TPST1: variants seen among roughly 807,000 people sequenced by gnomAD.
TPST1 encodes protein-tyrosine sulfotransferase 1.
In TPST1, 20 loss-of-function variants were observed where a neutral mutation model predicts 34.8. The ratio of observed to expected loss-of-function variants is 0.57; its 90% CI spans 0.40 to 0.84. TPST1 has a LOEUF of 0.84. Ranked by LOEUF, TPST1 falls within the 40% of genes least tolerant of loss-of-function variation. The pLI is 0.00. For missense variants in TPST1, 353 were observed against 455.5 expected, an observed-to-expected ratio of 0.78 and a Z score of 2.05; for synonymous variants, 152 against 159.4, an observed-to-expected ratio of 0.95 and a Z score of 0.35.
chr7:66,221,107 TGGGCAACAGAG>T (rs2116286822), intron 1 of TPST1, among the ~76,000 whole-genome samples: 1 of 150,766 alleles, frequency 6.6e-6, no homozygotes, highest in East Asian at 2.0e-4. Context: ...CACTCCAGCC[TGGGCAACAGAG>T]TGAGACTCCG....
intron 2 of TPST1, among the ~76,000 whole-genome samples, chr7:66,285,098 A>G (rs935444055): frequency 1.3e-5 from 2 of 152,174 alleles, no homozygotes; most frequent in African/African-American, 2.4e-5. Flanking sequence ...ATGACATACA[A>G]GACTCTATGT....
At chr7:66,213,355 T>A (rs1413337290) in intron 1 of TPST1, among the ~76,000 whole-genome samples, 2 of 152,220 alleles carry the variant, frequency 1.3e-5, no homozygotes. Flanking sequence ...GAGTTATTAT[T>A]TTGGTTGTTT....
chr7:66,219,911 A>G (rs938751609), intron 1 of TPST1, among the ~76,000 whole-genome samples: 8 of 152,164 alleles, frequency 5.3e-5, no homozygotes, highest in African/African-American at 1.9e-4. Context: ...CCTTTACCTT[A>G]TTTTTCGTTG....
chr7:66,230,597 G>T (rs560087798), intron 1 of TPST1, among the ~76,000 whole-genome samples: 4 of 152,108 alleles, frequency 2.6e-5, no homozygotes, highest in Admixed American at 2.0e-4. Context: ...TTGTGGTCTC[G>T]CTGGCTTCAG....
intron 1 of TPST1, among the ~76,000 whole-genome samples, chr7:66,233,631 A>G (rs1789844434): frequency 6.6e-6 from 1 of 152,182 alleles, no homozygotes; most frequent in African/African-American, 2.4e-5. Flanking sequence ...GGGTCCTCCA[A>G]CTTTGTTCTT....
At chr7:66,204,462 AGCTTTG>A (rs1355964471), upstream of TPST1, among the ~76,000 whole-genome samples, 6 of 152,188 alleles carry the variant, frequency 3.9e-5, no homozygotes, top group African/African-American at 1.2e-4. Context: ...GTGATTCACC[AGCTTTG>A]GCTTCCCAAA....
intron 3 of TPST1, among the ~76,000 whole-genome samples, chr7:66,333,148 T>C (rs953873675): frequency 3.3e-5 from 5 of 152,256 alleles, no homozygotes; most frequent in African/African-American, 1.2e-4. Flanking sequence ...AGTTGAAGGC[T>C]GTTCTTATAG....
At chr7:66,329,413 A>G (rs1350769899) in intron 3 of TPST1, among the ~76,000 whole-genome samples, 2 of 151,620 alleles carry the variant, frequency 1.3e-5, no homozygotes, top group East Asian at 3.9e-4. Context: ...CTCTGTGCAT[A>G]TGTATACTCA....
At chr7:66,204,436 G>A (rs1485943493), upstream of TPST1, among the ~76,000 whole-genome samples, 1 of 152,160 alleles carries the variant, frequency 6.6e-6, no homozygotes, top group Non-Finnish European at 1.5e-5. Flanking sequence ...GGCTGGTCTC[G>A]AACTCCTGAC....
At chr7:66,359,308 CTTAAAGAA>C (rs1792643840) in intron 5 of TPST1, 1 of 141,866 alleles carries the variant, frequency 7.0e-6, no homozygotes, top group Non-Finnish European at 1.5e-5. Context: ...CCCCTGGACA[CTTAAAGAA>C]CCTTAGGACC....
At chr7:66,270,283 A>C (rs1790679623) in intron 2 of TPST1, among the ~76,000 whole-genome samples, 1 of 152,180 alleles carries the variant, frequency 6.6e-6, no homozygotes, top group Non-Finnish European at 1.5e-5. Flanking sequence ...GGGACCTTGT[A>C]GACCACTGGA....
chr7:66,296,261 C>G (rs927942622), intron 3 of TPST1, among the ~76,000 whole-genome samples: 4 of 43,534 alleles, frequency 9.2e-5, no homozygotes, highest in East Asian at 4.5e-4. Flanking sequence ...CCCCCCCTCC[C>G]CCACCGTCTC....
chr7:66,320,724 G>A (rs576160089), intron 3 of TPST1, among the ~76,000 whole-genome samples: 5 of 151,626 alleles, frequency 3.3e-5, no homozygotes, highest in South Asian at 2.1e-4. Context: ...TCAGCCTCCC[G>A]AGTAGCTGGT....
intron 2 of TPST1, among the ~76,000 whole-genome samples, chr7:66,281,760 T>C (rs1014074986): frequency 4.6e-5 from 7 of 152,250 alleles, no homozygotes; most frequent in Admixed American, 3.3e-4. Context: ...ATTTGGTTTC[T>C]TGTAGTAGTT....
Position 66,266,458 on chromosome 7 carries a change from A to G in TPST1, c.846-20053A>G, listed in dbSNP as rs188048231. Among the ~76,000 whole-genome samples the G allele has an allele frequency of 4.9e-3, 740 of 152,354 alleles. 2 individuals are homozygous for G. Among genetic ancestry groups the G allele is most frequent in the Non-Finnish European group, 7.8e-3 (531 of 68,038 alleles). ...TAGTATAACCATTTGGGGAAACTAT[A>G]TATTATGGCTACTTAGCAAAACATG... On this transcript the variant is annotated intron_variant, in intron 2 of 5. Coordinates refer to ENST00000304842, the MANE Select transcript of TPST1 (RefSeq NM_003596.4).
chr7:66,282,697 G>T (rs1247542870), intron 2 of TPST1, among the ~76,000 whole-genome samples: 1 of 152,216 alleles, frequency 6.6e-6, no homozygotes, highest in East Asian at 1.9e-4. Flanking sequence ...GAAGCCCAGA[G>T]AGCTGATGCG....
In TPST1 at chr7:66,240,538, G is replaced by A. The variant is rs200993229; in HGVS notation, c.113G>A (p.Arg38His). ...AMECHHRIEE[R>H]SQPVKLESTR... Reference sequence around the variant, plus strand: ...GAATGCCATCACCGGATAGAGGAACGTAGCCAGCCAGTCAAATTGGAGAGC... The same window carrying A: ...GAATGCCATCACCGGATAGAGGAACATAGCCAGCCAGTCAAATTGGAGAGC... Residue 38 changes from arginine (R) to histidine (H), a missense_variant, in exon 2 of 6, where the codon CGT becomes CAT. Transcript: ENST00000304842. 28 of 1,614,024 alleles carry A rather than the reference G, an allele frequency of 1.7e-5. 1 individual carries two copies. The highest frequency in any genetic ancestry group is 3.3e-5 in the Admixed American group (2 of 59,996).
intron 2 of TPST1, among the ~76,000 whole-genome samples, chr7:66,265,263 T>A (rs982196925): frequency 1.3e-5 from 2 of 151,840 alleles, no homozygotes; most frequent in South Asian, 4.2e-4. Flanking sequence ...TTTGAAGAAA[T>A]AATGGGCCAG....
rs995916627 is a variant in TPST1, at chr7:66,351,231, A to C, written c.1045-1274A>C. Among the ~76,000 whole-genome samples the C allele has an allele frequency of 2.0e-5, 3 of 152,126 alleles. No homozygotes were observed. The South Asian group carries it at 6.2e-4, about 31-fold the overall frequency. On this transcript the variant is annotated intron_variant, in intron 3 of 5. Transcript: ENST00000304842. ...TTGGAATCTGGCTCCCCACCTCCTC[A>C]TCATTATGTTGAGATTCATCTGTGT...
Sources: gnomAD v4.1 joint callset for allele counts (sites outside exome capture counted in the v4.1 genomes callset) on GRCh38, gnomAD v4.1.1 for gene constraint, MANE v1.5 for transcripts, NCBI Gene and HGNC (gene_info 2026-07-23, HGNC 2026-07-21) for gene names.